Variants in CARS1 observed in about 807,000 individuals in gnomAD.
CARS1 encodes cysteinyl-tRNA synthetase 1.
Under a neutral mutation model 106.2 loss-of-function variants are expected in CARS1, and 48 were observed. That is an observed-to-expected ratio of 0.45 (90% CI 0.36 to 0.57). The LOEUF (loss-of-function observed/expected upper bound fraction) is 0.57. Ranked by LOEUF, CARS1 falls within the 20% of genes least tolerant of loss-of-function variation. CARS1 has a pLI of 0.00. For synonymous variants in CARS1, 409 were observed against 403.4 expected, an observed-to-expected ratio of 1.01 and a Z score of -0.17; for missense variants, 968 against 1,057.2, an observed-to-expected ratio of 0.92 and a Z score of 1.17.
rs1262332033 is a variant in CARS1 at position 3,015,717 on chromosome 11, A to G, written c.1986+64T>C. On this transcript the variant is annotated intron_variant, in intron 17 of 22. Transcript: ENST00000380525. ...GACAGAGGAGGGGCAGTTCAGAGGG[A>G]CACAGAGGGGTAGGGAGTGGGGAGG... The G allele has an allele frequency of 5.7e-6, 8 of 1,410,598 alleles. No homozygotes were observed. The Admixed American group carries it at 1.3e-4, about 24-fold the overall frequency. 87.4% of individuals were successfully genotyped at this position (1,410,598 alleles called of 1,614,324 possible). A position where few individuals can be genotyped will look rare whatever the true frequency, so the allele number is the denominator to read the frequency against.
rs887477939 is a variant in CARS1, at chr11:3,037,839, C to T, written c.801+211G>A. Among the ~76,000 whole-genome samples the T allele has an allele frequency of 4.6e-5, 7 of 152,132 alleles. No individual in the cohort carries two copies. Among genetic ancestry groups the T allele is most frequent in the Non-Finnish European group, 2.9e-5 (2 of 68,012 alleles). ...TCTCCTTCCAGTGGCACAGGCTCTG[C>T]ACCCAGGAAATGGGGCAAAGGGGTG... On this transcript the variant is annotated intron_variant, in intron 7 of 22. Transcript: ENST00000380525. This position sits in a 1 kb window ranked among gnomAD's most constrained non-coding sequence, Gnocchi z 5.9.
At chr11:3,018,818 G>C in intron 12 of CARS1, 69 bp from the exon 13 acceptor site, 2 of 1,555,168 alleles carry the variant, frequency 1.3e-6, no homozygotes, top group Non-Finnish European at 1.7e-6. Flanking sequence ...CACCTGCACT[G>C]TCTGCTGCCT....
chr11:3,039,350 G>T lies in CARS1; in HGVS notation c.553-58C>A. 2 of 1,071,906 alleles carry T rather than the reference G, an allele frequency of 1.9e-6. No homozygotes were observed. Among genetic ancestry groups the T allele is most frequent in the Non-Finnish European group, 2.9e-6 (2 of 689,150 alleles). The allele number at this position is 1,071,906 out of a possible 1,614,324, so 66.4% of individuals were successfully genotyped here. A position where few individuals can be genotyped will look rare whatever the true frequency, so the allele number is the denominator to read the frequency against. ...GCTTGGATCCCACATGCATCCCTCT[G>T]CAGCAGGCCACTCTCTCCCTTGGCC... On this transcript the variant is annotated intron_variant, in intron 5 of 22. Coordinates refer to ENST00000380525, the MANE Select transcript of CARS1 (RefSeq NM_001014437.3). This position sits in a 1 kb window ranked among gnomAD's most constrained non-coding sequence, Gnocchi z 5.6.
At position 3,037,898 on chromosome 11, in the gene CARS1, G is replaced by A. The variant is rs1389632799; in HGVS notation, c.801+152C>T. The A allele has an allele frequency of 6.6e-6, 5 of 753,540 alleles. No homozygotes were observed. The highest frequency in any genetic ancestry group is 1.1e-5 in the Non-Finnish European group (5 of 475,734). 46.7% of individuals were successfully genotyped at this position (753,540 alleles called of 1,614,324 possible). The stretch of plus-strand genomic sequence containing the variant: ...GAGGGGCACTGACTCAGCCACCGCA[G>A]AACAGGGCCGCCTGCCACAGTGGAG... On this transcript the variant is annotated intron_variant, in intron 7 of 22. Coordinates refer to ENST00000380525, the MANE Select transcript of CARS1 (RefSeq NM_001014437.3). The surrounding 1 kb of genome is among the most constrained non-coding windows in gnomAD (Gnocchi z 5.9).
At chr11:3,002,424 C>T in intron 21 of CARS1, 117 bp downstream of exon 21, 1 of 1,535,954 alleles carries the variant, frequency 6.5e-7, no homozygotes, top group Non-Finnish European at 8.7e-7. Context: ...GGAGCTCCTT[C>T]TGTGAGGGTC....
Position 3,001,089 on chromosome 11 carries a change from T to C in CARS1, c.*25A>G, listed in dbSNP as rs749099258. ...GACAGCAGCCACTAGTCCACAATGGTTTAAAAAGTCAGTCCTGTGCCCCCT... is the reference window on the plus strand; with the variant it reads ...GACAGCAGCCACTAGTCCACAATGGCTTAAAAAGTCAGTCCTGTGCCCCCT... On this transcript the variant is annotated 3_prime_UTR_variant, in exon 23 of 23. Transcript: ENST00000380525. The C allele has an allele frequency of 1.2e-5, 20 of 1,612,816 alleles. No homozygotes were observed. The highest frequency in any genetic ancestry group is 3.3e-4 in the Middle Eastern group (2 of 6,080).
intron 1 of CARS1, among the ~76,000 whole-genome samples, chr11:3,049,468 G>GGGCAGA (rs1855439469): frequency 6.6e-6 from 1 of 152,238 alleles, no homozygotes; most frequent in Non-Finnish European, 1.5e-5. Context: ...CCTAAAGTGG[G>GGGCAGA]GGCAGACCAG....
Position 3,007,039 on chromosome 11 carries a change from A to AGGG in CARS1, c.2069-81_2069-80insCCC, listed in dbSNP as rs1435120446. 19 of 1,210,438 alleles carry AGGG rather than the reference A, an allele frequency of 1.6e-5. No homozygotes were observed. In the East Asian group the frequency reaches 4.2e-4, roughly 27 times the overall value. The allele number at this position is 1,210,438 out of a possible 1,614,324, so 75.0% of individuals were successfully genotyped here. A position where few individuals can be genotyped will look rare whatever the true frequency, so the allele number is the denominator to read the frequency against. On this transcript the variant is annotated intron_variant, in intron 18 of 22. Coordinates refer to ENST00000380525, the MANE Select transcript of CARS1 (RefSeq NM_001014437.3). The stretch of plus-strand genomic sequence containing the variant: ...ACCAGTGCCTCCTCCAGTGCTGGGG[A>AGGG]AGGAGGGGCCGTGGCCCACAGAACA...
At chr11:3,014,319 C>G (rs2134127471) in intron 17 of CARS1, among the ~76,000 whole-genome samples, 1 of 152,330 alleles carries the variant, frequency 6.6e-6, no homozygotes, top group Admixed American at 6.5e-5. Flanking sequence ...TCCCTTGCTC[C>G]TAAAACCATT....
In CARS1 at chr11:3,041,453, C is replaced by T. The variant is rs372714368; in HGVS notation, c.367-469G>A. ...CCAGGGTCAGTCCCTGTTGGGGGAG[C>T]GCGGCTTGGAGGCCAGGACCCCTGA... On this transcript the variant is annotated intron_variant, in intron 3 of 22. Transcript: ENST00000380525. The surrounding 1 kb of genome is among the most constrained non-coding windows in gnomAD (Gnocchi z 4.9). Among the ~76,000 whole-genome samples, 38 of 152,162 alleles carry T rather than the reference C, an allele frequency of 2.5e-4. No homozygotes were observed. The highest frequency in any genetic ancestry group is 6.0e-4 in the African/African-American group (25 of 41,506).
At chr11:3,006,318 C>T (rs1367836843) in intron 19 of CARS1, among the ~76,000 whole-genome samples, 2 of 152,082 alleles carry the variant, frequency 1.3e-5, no homozygotes, top group African/African-American at 4.8e-5. Flanking sequence ...TGGTGATGGG[C>T]GTCTGTAATC....
chr11:3,032,969 G>A (rs1277359789), intron 7 of CARS1, among the ~76,000 whole-genome samples: 1 of 151,840 alleles, frequency 6.6e-6, no homozygotes, highest in Non-Finnish European at 1.5e-5. Context: ...TGCGGATGCT[G>A]GGGGAGGTGA....
At chr11:3,032,355 G>A (rs1312142393) in intron 7 of CARS1, among the ~76,000 whole-genome samples, 5 of 152,088 alleles carry the variant, frequency 3.3e-5, no homozygotes, top group Admixed American at 6.5e-5. Flanking sequence ...TCAGGCGTGA[G>A]CCACCGCGCC....
rs575853527 is a variant in CARS1 at position 3,038,402 on chromosome 11, C to T, written c.652-203G>A. On this transcript the variant is annotated intron_variant, in intron 6 of 22. Coordinates refer to ENST00000380525, the MANE Select transcript of CARS1 (RefSeq NM_001014437.3). This position sits in a 1 kb window ranked among gnomAD's most constrained non-coding sequence, Gnocchi z 4.0. ...AGGAGCTCCTGGTTCTGCCCTCTCA[C>T]GTGTGACCCTGGACAGGGCACCTAA... is the stretch of plus-strand genomic sequence containing the variant. Among the ~76,000 whole-genome samples the T allele has an allele frequency of 3.3e-5, 5 of 152,312 alleles. No individual in the cohort carries two copies. In the East Asian group the frequency reaches 5.8e-4, roughly 18 times the overall value.
chr11:3,050,918 G>A lies in CARS1; in HGVS notation c.26-2917C>T, dbSNP rs896332753. 2.6e-5 allele frequency among the ~76,000 whole-genome samples: 4 copies of A among 152,148 alleles called. No individual in the cohort carries two copies. Among genetic ancestry groups the A allele is most frequent in the Admixed American group, 1.3e-4 (2 of 15,284 alleles). On this transcript the variant is annotated intron_variant, in intron 1 of 22. Transcript: ENST00000380525. The surrounding 1 kb of genome is among the most constrained non-coding windows in gnomAD (Gnocchi z 6.3). ...TCTTTCCTTCACCATCTGCCCCACC[G>A]CTCCATCTACCTTATTCACTGCTCG... is the stretch of plus-strand genomic sequence containing the variant.
chr11:3,011,466 T>G (rs1850446681), intron 18 of CARS1, among the ~76,000 whole-genome samples: 2 of 149,890 alleles, frequency 1.3e-5, no homozygotes, highest in South Asian at 2.1e-4. Flanking sequence ...TACAAAAAAT[T>G]AGCCGGGCGC....
At position 3,052,140 on chromosome 11, in the gene CARS1, G is replaced by C. The variant is rs1451876067; in HGVS notation, c.26-4139C>G. Among the ~76,000 whole-genome samples, 5 of 152,242 alleles carry C rather than the reference G, an allele frequency of 3.3e-5. No homozygotes were observed. Among genetic ancestry groups the C allele is most frequent in the African/African-American group, 1.2e-4 (5 of 41,466 alleles). On this transcript the variant is annotated intron_variant, in intron 1 of 22. Coordinates refer to ENST00000380525, the MANE Select transcript of CARS1 (RefSeq NM_001014437.3). The surrounding 1 kb of genome is among the most constrained non-coding windows in gnomAD (Gnocchi z 4.6). ...AAATGTCCTAACGGCGGCTGCAGTGGCTTTTGAGCGCTGAGGAAGCAGTCT... is the reference window on the plus strand; with the variant it reads ...AAATGTCCTAACGGCGGCTGCAGTGCCTTTTGAGCGCTGAGGAAGCAGTCT...
chr11:3,024,277 G>T (rs1307106837), intron 10 of CARS1, among the ~76,000 whole-genome samples: 1 of 152,136 alleles, frequency 6.6e-6, no homozygotes, highest in South Asian at 2.1e-4. Context: ...GCATTCTCCA[G>T]ATTTGGTGTG....
In CARS1 at chr11:3,039,920, G is replaced by C. The variant is rs755741789; in HGVS notation, c.467C>G (p.Ser156Cys). 14 of 1,572,400 alleles carry C rather than the reference G, an allele frequency of 8.9e-6. No homozygotes were observed. The highest frequency in any genetic ancestry group is 1.1e-5 in the Non-Finnish European group (13 of 1,153,806). Residue 156 changes from serine (S) to cysteine (C), a missense_variant, in exon 5 of 23, where the codon TCT (serine) becomes TGT (cysteine). By Grantham distance (112) the Ser-to-Cys change is moderately radical (BLOSUM62 -1). Transcript: ENST00000380525. The surrounding 1 kb of genome is among the most constrained non-coding windows in gnomAD (Gnocchi z 5.6). Reference sequence around the variant, plus strand: ...CAACACTCTTCTCAAGATATCAAAAGAGATGTAGGACCTAAAGCAATGAAA... The same window carrying C: ...CAACACTCTTCTCAAGATATCAAAACAGATGTAGGACCTAAAGCAATGAAA... The part of the protein sequence containing the change: ...SHMGHARSYI[S>C]FDILRRVLKD...
Sources: gnomAD v4.1 joint callset for allele counts (sites outside exome capture counted in the v4.1 genomes callset) on GRCh38, gnomAD v4.1.1 for gene constraint, Gnocchi (gnomAD v3.1) non-coding constraint, MANE v1.5 for transcripts, NCBI Gene and HGNC (gene_info 2026-07-23, HGNC 2026-07-21) for gene names.